CTPS2: variants seen among roughly 807,000 people sequenced by gnomAD.
The protein encoded by CTPS2 is CTP synthase II.
Under a neutral mutation model 46.8 loss-of-function variants are expected in CTPS2, and 19 were observed. The ratio of observed to expected loss-of-function variants is 0.41; its 90% CI spans 0.28 to 0.60. The LOEUF (loss-of-function observed/expected upper bound fraction) is 0.60. Ranked by LOEUF, CTPS2 falls within the 20% of genes least tolerant of loss-of-function variation. CTPS2 has a pLI of 0.35. For missense variants in CTPS2, 286 were observed against 447.6 expected, an observed-to-expected ratio of 0.64 and a Z score of 3.26; for synonymous variants, 151 against 165.2, an observed-to-expected ratio of 0.91 and a Z score of 0.66.
chrX:16,634,486 T>C (rs1277198612), intron 14 of CTPS2, among the ~76,000 whole-genome samples: 1 of 111,830 alleles, frequency 8.9e-6, no homozygotes, highest in East Asian at 2.8e-4. Flanking sequence ...GAAGGGAACT[T>C]CTAGGAACAC....
chrX:16,607,782 T>A (rs1035872879), intron 17 of CTPS2, among the ~76,000 whole-genome samples: 1 of 112,962 alleles, frequency 8.9e-6, no homozygotes, highest in African/African-American at 3.2e-5. Flanking sequence ...AACATATATC[T>A]GGTTATTGTG....
chrX:16,669,815 C>T (rs1921577636), intron 11 of CTPS2, among the ~76,000 whole-genome samples: 1 of 110,772 alleles, frequency 9.0e-6, no homozygotes, highest in Admixed American at 9.7e-5. Flanking sequence ...CTCTGCACTC[C>T]CCCTCCTGCC....
intron 17 of CTPS2, among the ~76,000 whole-genome samples, chrX:16,604,500 C>G (rs1356793663): frequency 8.9e-6 from 1 of 112,069 alleles, no homozygotes; most frequent in African/African-American, 3.2e-5. Flanking sequence ...GAACTTTAGA[C>G]TCTGATCCTT....
intron 8 of CTPS2, among the ~76,000 whole-genome samples, chrX:16,689,069 C>T (rs1392653946): frequency 9.1e-6 from 1 of 110,307 alleles, no homozygotes; most frequent in Non-Finnish European, 1.9e-5. Context: ...ACTGCACTCC[C>T]GCCTGGGTGA....
At position 16,641,337 on chromosome X, in the gene CTPS2, T is replaced by TCCCAATA. The variant is rs1932070653; in HGVS notation, c.1297-2101_1297-2095dup. On this transcript the variant is annotated intron_variant, in intron 13 of 18. Coordinates refer to ENST00000359276, the MANE Select transcript of CTPS2 (RefSeq NM_175859.3). ...CTTCAGTCTTCCTCACTGTGTTGGG[T>TCCCAATA]CCCAATACCCAATACCCAAGAAGAG... Among the ~76,000 whole-genome samples, 3 of 112,289 alleles carry TCCCAATA rather than the reference T, an allele frequency of 2.7e-5. No individual in the cohort carries two copies. The Admixed American group carries it at 2.8e-4, about 11-fold the overall frequency.
intron 17 of CTPS2, among the ~76,000 whole-genome samples, chrX:16,599,802 A>T (rs2147169041): frequency 1.0e-5 from 1 of 100,009 alleles, no homozygotes; most frequent in African/African-American, 3.7e-5. Flanking sequence ...TTCTTTTGAC[A>T]CACAGTCTCA....
intron 9 of CTPS2, among the ~76,000 whole-genome samples, chrX:16,679,573 G>A (rs1306123996): frequency 4.5e-5 from 5 of 110,845 alleles, no homozygotes; most frequent in Non-Finnish European, 9.4e-5. Context: ...GAAGCCAATT[G>A]CAATGGTTTG....
intron 16 of CTPS2, among the ~76,000 whole-genome samples, chrX:16,612,511 T>A (rs530812889): frequency 3.6e-5 from 4 of 112,398 alleles, no homozygotes; most frequent in Middle Eastern, 4.6e-3. Context: ...TAAAAGTGAA[T>A]AAGTACTTAA....
At chrX:16,712,172 T>A (rs1020332675) in intron 1 of CTPS2, 163 bp downstream of exon 1, 26 of 111,993 alleles carry the variant, frequency 2.3e-4, no homozygotes, top group African/African-American at 8.1e-4. Context: ...CGGACCCGAC[T>A]CAGCGCTGGG....
At chrX:16,638,053 A>G (rs1282427986) in intron 14 of CTPS2, among the ~76,000 whole-genome samples, 1 of 110,745 alleles carries the variant, frequency 9.0e-6, no homozygotes, top group Non-Finnish European at 1.9e-5. Context: ...CAGGAGATCA[A>G]GACCATCCTG....
intron 14 of CTPS2, among the ~76,000 whole-genome samples, chrX:16,626,679 C>G (rs923607418): frequency 6.3e-5 from 7 of 111,396 alleles, no homozygotes; most frequent in South Asian, 3.8e-4. Context: ...TTCAAACCTC[C>G]CACTCCCACC....
chrX:16,614,950 G>C (rs1048419378), intron 16 of CTPS2, among the ~76,000 whole-genome samples: 23 of 112,481 alleles, frequency 2.0e-4, no homozygotes, highest in African/African-American at 7.4e-4. Flanking sequence ...GCCAAGGCAG[G>C]CGGATCACGA....
chrX:16,684,862 C>T (rs1023262265), intron 8 of CTPS2, among the ~76,000 whole-genome samples: 6 of 111,233 alleles, frequency 5.4e-5, no homozygotes, highest in Admixed American at 9.6e-5. Context: ...AGGCCAAGGC[C>T]GGCAGATCAC....
intron 14 of CTPS2, among the ~76,000 whole-genome samples, chrX:16,627,823 G>A (rs1476371110): frequency 1.8e-5 from 2 of 111,267 alleles, no homozygotes; most frequent in Non-Finnish European, 3.8e-5. Flanking sequence ...AGACACCCCC[G>A]AAACCTGCAA....
intron 14 of CTPS2, among the ~76,000 whole-genome samples, chrX:16,628,626 A>G (rs1931296274): frequency 8.9e-6 from 1 of 111,740 alleles, no homozygotes; most frequent in Non-Finnish European, 1.9e-5. Context: ...TCGGCCTCCC[A>G]AAGTGCTGGG....
At chrX:16,601,384 C>T (rs1195742659) in intron 17 of CTPS2, among the ~76,000 whole-genome samples, 3 of 110,986 alleles carry the variant, frequency 2.7e-5, no homozygotes, top group Non-Finnish European at 3.8e-5. Flanking sequence ...CTCCGATTCA[C>T]CTTGTTCACC....
At chrX:16,659,571 T>C (rs1326108601) in intron 13 of CTPS2, among the ~76,000 whole-genome samples, 1 of 109,666 alleles carries the variant, frequency 9.1e-6, no homozygotes, top group Non-Finnish European at 1.9e-5. Flanking sequence ...GTCACCATGC[T>C]GAGTCCACCC....
chrX:16,638,242 G>C (rs1308501629), intron 14 of CTPS2, among the ~76,000 whole-genome samples: 1 of 101,808 alleles, frequency 9.8e-6, no homozygotes, highest in Non-Finnish European at 2.0e-5. Context: ...GTGACAGAGC[G>C]AGACTCTGTC....
At chrX:16,682,572 T>G (rs1922834916) in intron 9 of CTPS2, among the ~76,000 whole-genome samples, 1 of 112,150 alleles carries the variant, frequency 8.9e-6, no homozygotes, top group South Asian at 3.7e-4. Flanking sequence ...TTGACTGGCT[T>G]CTGGAAACTC....
Sources: allele counts gnomAD v4.1 joint callset (sites outside exome capture counted in the v4.1 genomes callset), GRCh38; gene constraint gnomAD v4.1.1; transcripts MANE v1.5; gene names NCBI Gene and HGNC (gene_info 2026-07-23, HGNC 2026-07-21).